Variants in ANKFN1 observed in about 807,000 individuals in gnomAD.
ANKFN1 encodes the protein ankyrin repeat and fibronectin type III domain containing 1.
In ANKFN1, 74 loss-of-function variants were observed where a neutral mutation model predicts 108.7. That is an observed-to-expected ratio of 0.68 (90% CI 0.56 to 0.83). The LOEUF (loss-of-function observed/expected upper bound fraction) is 0.83. ANKFN1 is among the 40% of genes least tolerant of loss of function. The pLI, the probability that ANKFN1 is intolerant of heterozygous loss-of-function variation, is 0.00. For synonymous variants in ANKFN1, 547 were observed against 516.2 expected, an observed-to-expected ratio of 1.06 and a Z score of -0.81; for missense variants, 1,505 against 1,382.3, an observed-to-expected ratio of 1.09 and a Z score of -1.41.
chr17:56,283,219 C>T (rs2044130532), intron 3 of ANKFN1, among the ~76,000 whole-genome samples: 1 of 152,046 alleles, frequency 6.6e-6, no homozygotes, highest in Non-Finnish European at 1.5e-5. Context: ...TTCTATTCCT[C>T]CCTCAATTCA....
intron 3 of ANKFN1, chr17:56,323,501 AG>A (rs2045428588): frequency 6.6e-6 from 1 of 152,664 alleles, no homozygotes; most frequent in South Asian, 2.1e-4. Flanking sequence ...GAGAACAAAA[AG>A]GAAGAACATC....
intron 3 of ANKFN1, among the ~76,000 whole-genome samples, chr17:56,285,941 T>A (rs2044205361): frequency 6.6e-6 from 1 of 152,136 alleles, no homozygotes; most frequent in East Asian, 1.9e-4. Flanking sequence ...ACCCAGGACA[T>A]CTCCATCTAT....
chr17:56,375,192 G>A (rs370426312), intron 8 of ANKFN1, among the ~76,000 whole-genome samples: 1 of 152,176 alleles, frequency 6.6e-6, no homozygotes, highest in Non-Finnish European at 1.5e-5. Flanking sequence ...AGATAAAATG[G>A]TGGGATCAGT....
intron 4 of ANKFN1, among the ~76,000 whole-genome samples, chr17:56,123,731 T>C (rs905839854): frequency 1.3e-5 from 2 of 151,882 alleles, no homozygotes; most frequent in African/African-American, 4.8e-5. Context: ...ATTAACAAAC[T>C]CAAGTTTGTT....
chr17:56,188,583 A>G (rs7217705), intron 1 of ANKFN1, among the ~76,000 whole-genome samples: 4,039 of 69,284 alleles, frequency 0.058, 106 homozygotes, highest in African/African-American at 0.12. Flanking sequence ...GTGTGTGTGT[A>G]TATATATATA....
intron 8 of ANKFN1, among the ~76,000 whole-genome samples, chr17:56,383,023 T>C (rs1254286691): frequency 6.6e-6 from 1 of 152,130 alleles, no homozygotes; most frequent in Non-Finnish European, 1.5e-5. Context: ...CAACAGAATA[T>C]ACATTTTCTT....
intron 1 of ANKFN1, among the ~76,000 whole-genome samples, chr17:56,168,121 G>A (rs1392149351): frequency 2.0e-5 from 3 of 152,072 alleles, no homozygotes; most frequent in Non-Finnish European, 4.4e-5. Flanking sequence ...ACAAAAATTA[G>A]CCAGGCATGG....
chr17:56,287,787 C>A (rs2044256068), intron 3 of ANKFN1, among the ~76,000 whole-genome samples: 2 of 152,162 alleles, frequency 1.3e-5, no homozygotes, highest in Non-Finnish European at 2.9e-5. Context: ...ACAGACATTA[C>A]TGAATGGGAT....
intron 8 of ANKFN1, among the ~76,000 whole-genome samples, chr17:56,384,754 A>C (rs1288963809): frequency 6.6e-6 from 1 of 152,084 alleles, no homozygotes; most frequent in Non-Finnish European, 1.5e-5. Context: ...TAGGAATCCA[A>C]CTTACAAGGG....
rs919846019 is a variant in ANKFN1 at position 56,212,584 on chromosome 17, C to G, written c.-70-14C>G. Among the ~76,000 whole-genome samples the G allele has an allele frequency of 9.2e-5, 14 of 152,146 alleles. No individual in the cohort carries two copies. The highest frequency in any genetic ancestry group is 3.4e-4 in the African/African-American group (14 of 41,424). On this transcript the variant is annotated splice_polypyrimidine_tract_variant and intron_variant, in intron 1 of 20. Coordinates refer to ENST00000682825, the MANE Select transcript of ANKFN1 (RefSeq NM_001370326.1). ...AATTTAGGGAGGATTATCTCTTTCT[C>G]TCTTTTGGAATAGTGCCAATAGGAT...
At chr17:56,157,040 G>A (rs1468811935) in intron 1 of ANKFN1, among the ~76,000 whole-genome samples, 1 of 152,178 alleles carries the variant, frequency 6.6e-6, no homozygotes, top group Non-Finnish European at 1.5e-5. Context: ...AATAGGAAAG[G>A]CTGGCCTCTC....
intron 18 of ANKFN1, among the ~76,000 whole-genome samples, chr17:56,483,656 C>T (rs1233057286): frequency 2.0e-5 from 3 of 152,120 alleles, no homozygotes; most frequent in Non-Finnish European, 4.4e-5. Flanking sequence ...CTGGCAATTG[C>T]TTAACCTTTC....
At chr17:56,463,060 G>A (rs1004930490) in intron 14 of ANKFN1, among the ~76,000 whole-genome samples, 3 of 152,132 alleles carry the variant, frequency 2.0e-5, no homozygotes, top group African/African-American at 7.2e-5. Flanking sequence ...TGTTTTCTGG[G>A]TTTCTGCTCT....
intron 8 of ANKFN1, among the ~76,000 whole-genome samples, chr17:56,422,345 T>TATTTTGATAAAC (rs1224547696): frequency 6.6e-6 from 1 of 152,066 alleles, no homozygotes; most frequent in Non-Finnish European, 1.5e-5. Context: ...TTATACCAAA[T>TATTTTGATAAAC]ATTTTGATAA....
At chr17:56,202,342 C>T (rs1914140200) in intron 1 of ANKFN1, among the ~76,000 whole-genome samples, 1 of 152,168 alleles carries the variant, frequency 6.6e-6, no homozygotes, top group South Asian at 2.1e-4. Flanking sequence ...CATCTCCATG[C>T]CTCCAGTCTG....
At chr17:56,196,462 G>A (rs1913515829) in intron 1 of ANKFN1, among the ~76,000 whole-genome samples, 1 of 152,104 alleles carries the variant, frequency 6.6e-6, no homozygotes, top group Non-Finnish European at 1.5e-5. Flanking sequence ...GGCCAGGCGT[G>A]GTGGCTCACA....
intron 4 of ANKFN1, among the ~76,000 whole-genome samples, chr17:56,102,992 T>C (rs966045839): frequency 6.6e-6 from 1 of 152,222 alleles, no homozygotes; most frequent in African/African-American, 2.4e-5. Flanking sequence ...ATTACATAAA[T>C]AGTATGCAGC....
chr17:56,462,662 G>T (rs1354722940), intron 14 of ANKFN1, among the ~76,000 whole-genome samples: 2 of 152,134 alleles, frequency 1.3e-5, no homozygotes, highest in African/African-American at 2.4e-5. Flanking sequence ...AGTTTGATTG[G>T]CATCAACCAT....
chr17:56,047,169 G>A (rs190323120), intron 4 of ANKFN1, among the ~76,000 whole-genome samples: 149 of 152,292 alleles, frequency 9.8e-4, no homozygotes, highest in African/African-American at 3.3e-3. Flanking sequence ...TAAATAATGT[G>A]CTGAGCAAAA....
Sources: allele counts gnomAD v4.1 joint callset (sites outside exome capture counted in the v4.1 genomes callset), GRCh38; gene constraint gnomAD v4.1.1; transcripts MANE v1.5; gene names NCBI Gene and HGNC (gene_info 2026-07-23, HGNC 2026-07-21).